The following BTF3L4 variants were observed in gnomAD, a reference collection of about 807,000 sequenced individuals.
BTF3L4 encodes the protein basic transcription factor 3 like 4.
BTF3L4 carries 6 observed loss-of-function variants against 16.8 expected under a neutral mutation model. The ratio of observed to expected loss-of-function variants is 0.36; its 90% CI spans 0.20 to 0.71. BTF3L4 has a LOEUF of 0.71. Ranked by LOEUF, BTF3L4 falls within the 30% of genes least tolerant of loss-of-function variation. BTF3L4 has a pLI of 0.58. For missense variants in BTF3L4, 92 were observed against 186.9 expected, an observed-to-expected ratio of 0.49 and a Z score of 2.96; for synonymous variants, 39 against 59.8, an observed-to-expected ratio of 0.65 and a Z score of 1.60.
Position 52,087,077 on chromosome 1 carries a change from G to A in BTF3L4, c.*319G>A, listed in dbSNP as rs748170785. ...TTTATGTATGTGTGTGGGTATGTGT[G>A]TATACAGTGGAGAGCAAATTGGAAA... On this transcript the variant is annotated 3_prime_UTR_variant, in exon 6 of 6. Transcript: ENST00000313334. The A allele has an allele frequency of 6.6e-5, 14 of 213,648 alleles. No homozygotes were observed. Among genetic ancestry groups the A allele is most frequent in the Non-Finnish European group, 9.3e-6 (1 of 108,092 alleles). The allele number at this position is 213,648 out of a possible 1,614,324, so 13.2% of individuals were successfully genotyped here. A position where few individuals can be genotyped will look rare whatever the true frequency, so the allele number is the denominator to read the frequency against.
intron 3 of BTF3L4, among the ~76,000 whole-genome samples, chr1:52,068,447 A>G (rs902243712): frequency 6.6e-6 from 1 of 152,200 alleles, no homozygotes; most frequent in Non-Finnish European, 1.5e-5. Context: ...GTACCATTTC[A>G]GCTTCACAAT....
At chr1:52,060,287 A>G (rs545973139) in intron 2 of BTF3L4, 2 of 304,428 alleles carry the variant, frequency 6.6e-6, no homozygotes, top group Non-Finnish European at 1.3e-5. Context: ...TGCTTAATAA[A>G]TTATAGCTAT....
chr1:52,083,062 G>A (rs1313371956), intron 3 of BTF3L4, among the ~76,000 whole-genome samples: 1 of 152,032 alleles, frequency 6.6e-6, no homozygotes, highest in African/African-American at 2.4e-5. Context: ...AAAAAAACAT[G>A]GTCATGTACT....
At chr1:52,077,549 C>T (rs34773228) in intron 3 of BTF3L4, among the ~76,000 whole-genome samples, 5,127 of 152,184 alleles carry the variant, frequency 0.034, 110 homozygotes, top group African/African-American at 0.046. Context: ...CAGAGCGAGA[C>T]TCCATCTCAA....
At chr1:52,065,163 T>C (rs1686613281) in intron 3 of BTF3L4, 1 of 296,774 alleles carries the variant, frequency 3.4e-6, no homozygotes, top group East Asian at 6.1e-5. Context: ...GCTCAAGATA[T>C]TTGCGTATAT....
Position 52,062,267 on chromosome 1 carries a change from TCTCGGCTCACTGCAACCTCCAC to T in BTF3L4, c.54+2370_54+2391del, listed in dbSNP as rs572380756. Among the ~76,000 whole-genome samples the T allele has an allele frequency of 6.8e-4, 95 of 139,992 alleles. 1 individual carries two copies. The highest frequency in any genetic ancestry group is 2.5e-3 in the African/African-American group (93 of 37,310). 91.8% of individuals were successfully genotyped at this position (139,992 alleles called of 152,430 possible). ...CCCAGGCTGGAGTGCAGTGGCGTGA[TCTCGGCTCACTGCAACCTCCAC>T]CTCCTGGGTTCAAGCGATTCTCCTG... On this transcript the variant is annotated intron_variant, in intron 2 of 5. Transcript: ENST00000313334.
chr1:52,081,642 T>C (rs1048540085), intron 3 of BTF3L4, among the ~76,000 whole-genome samples: 2 of 152,234 alleles, frequency 1.3e-5, no homozygotes, highest in Non-Finnish European at 2.9e-5. Context: ...AACTATATAA[T>C]TTATCTTTTC....
At chr1:52,080,519 GTTTTTTTTTTTTTT>G (rs753783341) in intron 3 of BTF3L4, among the ~76,000 whole-genome samples, 1 of 70,232 alleles carries the variant, frequency 1.4e-5, no homozygotes, top group African/African-American at 6.4e-5. Flanking sequence ...GGTTTTTTGG[GTTTTTTTTTTTTTT>G]TTTTTTTTTT....
intron 1 of BTF3L4, among the ~76,000 whole-genome samples, chr1:52,058,616 T>A (rs1361636932): frequency 6.6e-6 from 1 of 152,142 alleles, no homozygotes; most frequent in Non-Finnish European, 1.5e-5. Context: ...TTTTTTTTTT[T>A]TTGAGACGGA....
chr1:52,086,444 A>G, intron 5 of BTF3L4: 1 of 478,150 alleles, frequency 2.1e-6, no homozygotes, highest in Non-Finnish European at 3.7e-6. Context: ...ACATTTCTGT[A>G]TGAATTATAA....
chr1:52,069,290 A>T (rs886412380), intron 3 of BTF3L4, among the ~76,000 whole-genome samples: 4 of 151,894 alleles, frequency 2.6e-5, no homozygotes, highest in Non-Finnish European at 5.9e-5. Flanking sequence ...GAGAACCAAG[A>T]TATTTGTTAC....
chr1:52,077,855 AC>A (rs1686970794), intron 3 of BTF3L4, among the ~76,000 whole-genome samples: 1 of 152,136 alleles, frequency 6.6e-6, no homozygotes, highest in South Asian at 2.1e-4. Flanking sequence ...TAAAAGGGCC[AC>A]CCAGCAGTTG....
At chr1:52,085,885 T>A (rs1643967398) in intron 4 of BTF3L4, among the ~76,000 whole-genome samples, 1 of 152,110 alleles carries the variant, frequency 6.6e-6, no homozygotes, top group Non-Finnish European at 1.5e-5. Context: ...AAATTTCATC[T>A]TTGTCACACA....
Position 52,059,916 on chromosome 1 carries a change from A to G in BTF3L4, c.54+15A>G. ...TAGGGGGCAAGGTGAGTGTGGCATAAGAAAAATTGATAGGAGAATGTATGA... is the reference window on the plus strand; with the variant it reads ...TAGGGGGCAAGGTGAGTGTGGCATAGGAAAAATTGATAGGAGAATGTATGA... On this transcript the variant is annotated intron_variant, in intron 2 of 5. Coordinates refer to ENST00000313334, the MANE Select transcript of BTF3L4 (RefSeq NM_152265.5). The G allele has an allele frequency of 6.2e-7, 1 of 1,605,992 alleles. No homozygotes were observed. The highest frequency in any genetic ancestry group is 1.1e-5 in the South Asian group (1 of 89,752).
chr1:52,057,457 C>T (rs1398484785), intron 1 of BTF3L4, among the ~76,000 whole-genome samples: 3 of 152,176 alleles, frequency 2.0e-5, no homozygotes, highest in Non-Finnish European at 2.9e-5. Flanking sequence ...GGACTTCTCC[C>T]TTCTGGGCCC....
At chr1:52,077,670 A>G (rs146947192) in intron 3 of BTF3L4, among the ~76,000 whole-genome samples, 12 of 152,360 alleles carry the variant, frequency 7.9e-5, no homozygotes, top group African/African-American at 2.6e-4. Context: ...AGTTATTAGC[A>G]AGAGCTATGG....
chr1:52,071,749 T>C (rs1403419200), intron 3 of BTF3L4, among the ~76,000 whole-genome samples: 1 of 152,198 alleles, frequency 6.6e-6, no homozygotes, highest in African/African-American at 2.4e-5. Flanking sequence ...CTAAAGTTAA[T>C]GGCGGGCTCT....
Position 52,090,423 on chromosome 1 carries a change from A to G in BTF3L4, c.*3665A>G, listed in dbSNP as rs2124455076. The G allele has an allele frequency of 6.6e-6, 1 of 152,316 alleles. No individual in the cohort carries two copies. The highest frequency in any genetic ancestry group is 1.9e-4 in the East Asian group (1 of 5,186). 9.4% of individuals were successfully genotyped at this position (152,316 alleles called of 1,614,324 possible). A position where few individuals can be genotyped will look rare whatever the true frequency, so the allele number is the denominator to read the frequency against. On this transcript the variant is annotated 3_prime_UTR_variant, in exon 6 of 6. Coordinates refer to ENST00000313334, the MANE Select transcript of BTF3L4 (RefSeq NM_152265.5). ...CCTGTGTTGAACAACACTCCAGTTCAGCCTGTATTGCTATGCCACATAGAG... is the reference window on the plus strand; with the variant it reads ...CCTGTGTTGAACAACACTCCAGTTCGGCCTGTATTGCTATGCCACATAGAG...
intron 1 of BTF3L4, among the ~76,000 whole-genome samples, chr1:52,058,562 T>G (rs1030819241): frequency 6.6e-6 from 1 of 152,154 alleles, no homozygotes; most frequent in Admixed American, 6.5e-5. Flanking sequence ...CAGTAATGAT[T>G]TGTTGATCTG....
Sources: gnomAD v4.1 joint callset for allele counts (sites outside exome capture counted in the v4.1 genomes callset) on GRCh38, gnomAD v4.1.1 for gene constraint, MANE v1.5 for transcripts, NCBI Gene and HGNC (gene_info 2026-07-23, HGNC 2026-07-21) for gene names.